VPS37A: variants seen among roughly 807,000 people sequenced by gnomAD.
VPS37A encodes VPS37A subunit of ESCRT-I.
VPS37A carries 30 observed loss-of-function variants against 49.8 expected under a neutral mutation model. That is an observed-to-expected ratio of 0.60 (90% CI 0.45 to 0.82). The LOEUF (loss-of-function observed/expected upper bound fraction) is 0.82. Ranked by LOEUF, VPS37A falls within the 40% of genes least tolerant of loss-of-function variation. The pLI, the probability that VPS37A is intolerant of heterozygous loss-of-function variation, is 0.00. For synonymous variants in VPS37A, 195 were observed against 160.6 expected (o/e 1.21, Z -1.62); for missense variants, 593 against 464.4 (o/e 1.28, Z -2.55).
At chr8:17,305,889 C>G, downstream of VPS37A, 1 of 1,613,706 alleles carries the variant, frequency 6.2e-7, no homozygotes, top group African/African-American at 1.3e-5. Flanking sequence ...CATTAACTGC[C>G]AAACACACTC....
intron 1 of VPS37A, among the ~76,000 whole-genome samples, chr8:17,253,128 G>C (rs759220983): frequency 7.9e-5 from 12 of 152,154 alleles, no homozygotes; most frequent in Non-Finnish European, 1.3e-4. Context: ...TTAAAAAAAA[G>C]TTATGATAAG....
the VPS37A span, among the ~76,000 whole-genome samples, chr8:17,315,324 T>C: frequency 2.0e-5 from 3 of 152,094 alleles, no homozygotes; most frequent in East Asian, 5.8e-4. Context: ...AATCAGCGGC[T>C]GCCAGGGGTT....
chr8:17,313,769 A>C, the VPS37A span, among the ~76,000 whole-genome samples: 3 of 152,222 alleles, frequency 2.0e-5, no homozygotes, highest in Admixed American at 2.0e-4. Flanking sequence ...GAGTGCTATG[A>C]GGAAAAAAAT....
At chr8:17,289,813 TATTG>T (rs1490814076) in intron 11 of VPS37A, among the ~76,000 whole-genome samples, 26 of 152,360 alleles carry the variant, frequency 1.7e-4, no homozygotes, top group African/African-American at 6.3e-4. Context: ...GTTATCACGA[TATTG>T]ATTCTTTCTA....
chr8:17,273,254 A>C (rs1173923676), intron 4 of VPS37A, among the ~76,000 whole-genome samples: 1 of 151,884 alleles, frequency 6.6e-6, no homozygotes, highest in African/African-American at 2.4e-5. Context: ...TGCTCCAGTA[A>C]ATAATCTTTA....
chr8:17,300,349 G>C (rs1563310498), downstream of VPS37A: 15 of 1,078,432 alleles, frequency 1.4e-5, no homozygotes, highest in Non-Finnish European at 1.6e-5. Context: ...GACTCAGAGG[G>C]ATGTGAGTTC....
At chr8:17,248,470 T>C (rs1811641160) in intron 1 of VPS37A, 7 of 437,306 alleles carry the variant, frequency 1.6e-5, no homozygotes, top group South Asian at 1.1e-4. Flanking sequence ...GAGACGGGGT[T>C]TCACCACATT....
intron 6 of VPS37A, among the ~76,000 whole-genome samples, chr8:17,276,684 A>C (rs986481964): frequency 6.6e-6 from 1 of 152,192 alleles, no homozygotes; most frequent in African/African-American, 2.4e-5. Flanking sequence ...TAGGATTTTT[A>C]TAATGATATA....
At chr8:17,274,647 C>T (rs1247181155) in intron 4 of VPS37A, 86 bp from the exon 5 acceptor site, 15 of 1,048,210 alleles carry the variant, frequency 1.4e-5, no homozygotes, top group Non-Finnish European at 2.0e-5. Flanking sequence ...TAGTACTTGA[C>T]CTTTGTTATT....
intron 11 of VPS37A, among the ~76,000 whole-genome samples, chr8:17,289,925 T>A (rs1815982930): frequency 6.6e-6 from 1 of 152,218 alleles, no homozygotes; most frequent in Non-Finnish European, 1.5e-5. Context: ...TCATATCCCT[T>A]GTAAGTTGGA....
chr8:17,315,052 G>A, the VPS37A span, among the ~76,000 whole-genome samples: 17 of 152,196 alleles, frequency 1.1e-4, no homozygotes, highest in African/African-American at 1.4e-4. Context: ...GTAGTCAGCC[G>A]TGGGCTGAGA....
At chr8:17,333,386 T>C in the VPS37A span, among the ~76,000 whole-genome samples, 1 of 152,230 alleles carries the variant, frequency 6.6e-6, no homozygotes, top group East Asian at 1.9e-4. Flanking sequence ...TGTATAATTA[T>C]TTTTCAAAGA....
intron 9 of VPS37A, 138 bp from the exon 10 acceptor site, chr8:17,284,335 G>A: frequency 1.0e-6 from 1 of 979,670 alleles, no homozygotes; most frequent in African/African-American, 1.7e-5. Context: ...GGCATTATAA[G>A]ACAGCAGATT....
chr8:17,287,399 G>A (rs564596219), intron 11 of VPS37A, among the ~76,000 whole-genome samples: 4 of 152,206 alleles, frequency 2.6e-5, no homozygotes, highest in East Asian at 3.9e-4. Flanking sequence ...TTCTGGCCGA[G>A]CGCAGTGGCT....
chr8:17,263,059 C>CAAAAA (rs11311080), intron 1 of VPS37A, among the ~76,000 whole-genome samples: 1 of 92,644 alleles, frequency 1.1e-5, no homozygotes, highest in African/African-American at 3.6e-5. Context: ...AACCCCATCT[C>CAAAAA]AAAAAAAAAA....
chr8:17,324,354 C>T, the VPS37A span, among the ~76,000 whole-genome samples: 1 of 152,198 alleles, frequency 6.6e-6, no homozygotes, highest in Non-Finnish European at 1.5e-5. Context: ...ATAATCTACC[C>T]TACAGGGTAG....
At chr8:17,253,567 T>C (rs1812167954) in intron 1 of VPS37A, among the ~76,000 whole-genome samples, 1 of 152,248 alleles carries the variant, frequency 6.6e-6, no homozygotes, top group Non-Finnish European at 1.5e-5. Flanking sequence ...ATTTTGTATC[T>C]GAAGCTTTTC....
At chr8:17,320,405 G>GT in the VPS37A span, among the ~76,000 whole-genome samples, 19 of 151,366 alleles carry the variant, frequency 1.3e-4, no homozygotes, top group African/African-American at 2.4e-4. Flanking sequence ...TAAAGGGTAT[G>GT]TTTTTTTTTG....
chr8:17,307,873 A>T, the VPS37A span, among the ~76,000 whole-genome samples: 1 of 136,060 alleles, frequency 7.3e-6, no homozygotes, highest in African/African-American at 2.8e-5. Context: ...AACATCACAC[A>T]CCGGGGACTG....
Sources: gnomAD v4.1 joint callset for allele counts (sites outside exome capture counted in the v4.1 genomes callset) on GRCh38, gnomAD v4.1.1 for gene constraint, MANE v1.5 for transcripts, NCBI Gene and HGNC (gene_info 2026-07-23, HGNC 2026-07-21) for gene names.